The following PON1 variants were observed in gnomAD, a reference collection of about 807,000 sequenced individuals.
PON1 encodes paraoxonase 1, also known as serum paraoxonase/arylesterase 1.
A neutral mutation model predicts 39.2 loss-of-function variants in PON1; 37 were observed. The observed-to-expected ratio is 0.94, with a 90% CI of 0.73 to 1.24. PON1 has a LOEUF of 1.24. Ranked by LOEUF, PON1 falls within the 50% of genes most tolerant of loss-of-function variation. The probability of loss-of-function intolerance (pLI) is 0.00; values close to 1 mark genes in which losing one functional copy is unlikely to be tolerated. For synonymous variants in PON1, 148 were observed against 152.2 expected (o/e 0.97, Z 0.21); for missense variants, 397 against 413.5 (o/e 0.96, Z 0.35).
intron 1 of PON1, among the ~76,000 whole-genome samples, chr7:95,323,904 G>A (rs1035091132): frequency 2.0e-5 from 3 of 152,142 alleles, no homozygotes; most frequent in Admixed American, 6.5e-5. Flanking sequence ...CACAGCACAC[G>A]TTAGCTCCAC....
chr7:95,303,102 G>C (rs2116300886), intron 7 of PON1, among the ~76,000 whole-genome samples: 1 of 152,222 alleles, frequency 6.6e-6, no homozygotes, highest in Non-Finnish European at 1.5e-5. Flanking sequence ...ATGTACCTCA[G>C]AGGCCAGCAT....
Position 95,308,069 on chromosome 7 carries a change from G to A in PON1, c.640C>T (p.Arg214Ter), listed in dbSNP as rs1200174154. ...YVVYYSPSEV[R>*]VVAEGFDFAN... The stretch of plus-strand genomic sequence containing the variant: ...AAATCAAATCCTTCTGCCACCACTC[G>A]AACTTCACTTGGACTATAGTAGACA... Residue 214 changes from arginine (R) to a stop codon, truncating the protein, a stop_gained, in exon 6 of 9, where the codon CGA becomes TGA. Transcript: ENST00000222381. LOFTEE classifies it high-confidence loss of function. 9 of 1,613,880 alleles carry A rather than the reference G, an allele frequency of 5.6e-6. No homozygotes were observed. The highest frequency in any genetic ancestry group is 4.4e-5 in the South Asian group (4 of 91,072).
At position 95,314,317 on chromosome 7, in the gene PON1, G is replaced by A. The variant is rs3917508; in HGVS notation, c.370+1005C>T. On this transcript the variant is annotated intron_variant, in intron 4 of 8. Coordinates refer to ENST00000222381, the MANE Select transcript of PON1 (RefSeq NM_000446.7). ...GAAGTTTTCAGTGAGCCAAGATTGC[G>A]CCACTGCACTCCAGCCTGGGAGAGA... Among the ~76,000 whole-genome samples, 557 of 151,912 alleles carry A rather than the reference G, an allele frequency of 3.7e-3. 2 individuals carry two copies. Among genetic ancestry groups the A allele is most frequent in the African/African-American group, 8.1e-3 (336 of 41,428 alleles).
Position 95,298,749 on chromosome 7 carries a change from C to A in PON1, c.*195G>T. ...AATGAGGTTTTCAAGTATTCCAAGACTGATTTGATAGTGTATTCTCAAAAA... is the reference window on the plus strand; with the variant it reads ...AATGAGGTTTTCAAGTATTCCAAGAATGATTTGATAGTGTATTCTCAAAAA... On this transcript the variant is annotated 3_prime_UTR_variant, in exon 9 of 9. Coordinates refer to ENST00000222381, the MANE Select transcript of PON1 (RefSeq NM_000446.7). 1 of 659,108 alleles carries A rather than the reference C, an allele frequency of 1.5e-6. No individual in the cohort carries two copies. Among genetic ancestry groups the A allele is most frequent in the South Asian group, 1.8e-5 (1 of 55,908 alleles). The allele number at this position is 659,108 out of a possible 1,614,324, so 40.8% of individuals were successfully genotyped here. A position where few individuals can be genotyped will look rare whatever the true frequency, so the allele number is the denominator to read the frequency against.
chr7:95,298,791 T>TATC lies in PON1; in HGVS notation c.*150_*152dup, dbSNP rs1228755706. ...TCTCAAAAAAAAGCCCTACACATCA[T>TATC]ATCACTCCCAGTTAAACAGTGCTTT... On this transcript the variant is annotated 3_prime_UTR_variant, in exon 9 of 9. Coordinates refer to ENST00000222381, the MANE Select transcript of PON1 (RefSeq NM_000446.7). 3.3e-6 allele frequency: 3 copies of TATC among 915,506 alleles called. No individual in the cohort carries two copies. In the East Asian group the frequency reaches 7.7e-5, roughly 24 times the overall value. 56.7% of individuals were successfully genotyped at this position (915,506 alleles called of 1,614,324 possible).
Position 95,311,557 on chromosome 7 carries a change from C to T in PON1, c.391G>A (p.Val131Met), listed in dbSNP as rs934788389. Residue 131 changes from valine (V) to methionine (M), a missense_variant, in exon 5 of 9, where the codon GTG (valine) becomes ATG (methionine). By Grantham distance (21) the Val-to-Met change is conservative. Coordinates refer to ENST00000222381, the MANE Select transcript of PON1 (RefSeq NM_000446.7). ...TDEDNAMYLL[V>M]VNHPDAKSTV... ...GACTTGGCATCTGGATGGTTCACCA[C>T]CAGGAGGTACATGGCATTATCTGAG... The T allele has an allele frequency of 1.9e-6, 3 of 1,613,874 alleles. No homozygotes were observed. The highest frequency in any genetic ancestry group is 1.3e-5 in the African/African-American group (1 of 74,898).
chr7:95,323,435 A>C lies in PON1; in HGVS notation c.74+967T>G, dbSNP rs55651473. 9.9e-3 allele frequency among the ~76,000 whole-genome samples: 1,503 copies of C among 152,268 alleles called. 23 individuals are homozygous for C. Among genetic ancestry groups the C allele is most frequent in the African/African-American group, 0.034 (1,414 of 41,550 alleles). On this transcript the variant is annotated intron_variant, in intron 1 of 8. Coordinates refer to ENST00000222381, the MANE Select transcript of PON1 (RefSeq NM_000446.7). ...TGTAACTTAAAAAAATTAGAAAAAC[A>C]TCCACAATAAATAGTAAAAACCCAT...
intron 6 of PON1, among the ~76,000 whole-genome samples, chr7:95,307,576 A>G (rs1807568782): frequency 6.6e-6 from 1 of 152,200 alleles, no homozygotes; most frequent in African/African-American, 2.4e-5. Flanking sequence ...GCTTAGTTAA[A>G]CTGACTTGTT....
chr7:95,308,316 G>A (rs1257427926), intron 5 of PON1, 105 bp from the exon 6 acceptor site: 1 of 1,060,988 alleles, frequency 9.4e-7, no homozygotes, highest in Non-Finnish European at 1.4e-6. Context: ...CAAGATGTGG[G>A]ATGGAGCCTT....
At chr7:95,302,476 T>G (rs535968510) in intron 7 of PON1, 143 bp from the exon 8 acceptor site, 1 of 708,104 alleles carries the variant, frequency 1.4e-6, no homozygotes, top group Non-Finnish European at 2.4e-6. Flanking sequence ...CCCATTTCAA[T>G]AAGACTCACA....
rs1014165173 is a variant in PON1, at chr7:95,299,079, T to C, written c.933A>G (p.Leu311=). ...ASEVLRIQNI[L]TEEPKVTQVY... ...CCTGTGTCACTTTAGGTTCTTCTGT[T>C]AGAATGTTCTGGATTCGAAGCACCT... Residue 311 remains leucine (L), a synonymous_variant, in exon 9 of 9, where the codon CTA becomes CTG. Transcript: ENST00000222381. 2 of 1,614,194 alleles carry C rather than the reference T, an allele frequency of 1.2e-6. No individual in the cohort carries two copies. The highest frequency in any genetic ancestry group is 2.2e-5 in the South Asian group (2 of 91,082).
chr7:95,308,492 GT>G, intron 5 of PON1, among the ~76,000 whole-genome samples: 1 of 151,882 alleles, frequency 6.6e-6, no homozygotes, highest in South Asian at 2.1e-4. Flanking sequence ...GTGTGTGTGT[GT>G]GTGTGTGTGT....
chr7:95,311,319 T>A (rs1259736359), intron 5 of PON1, 132 bp downstream of exon 5: 1 of 1,084,736 alleles, frequency 9.2e-7, no homozygotes, highest in African/African-American at 1.6e-5. Context: ...CAGAAGAGCA[T>A]GTGGAGGAGT....
intron 1 of PON1, among the ~76,000 whole-genome samples, chr7:95,320,010 A>C (rs1258206252): frequency 6.6e-6 from 1 of 152,158 alleles, no homozygotes; most frequent in Non-Finnish European, 1.5e-5. Flanking sequence ...TGGTCTAGGG[A>C]AAGTGTAGTG....
chr7:95,307,076 A>T (rs1807559831), intron 6 of PON1, among the ~76,000 whole-genome samples: 1 of 136,532 alleles, frequency 7.3e-6, no homozygotes, highest in African/African-American at 3.4e-5. Flanking sequence ...TTTTTTTTAA[A>T]AAAAAACAGA....
At chr7:95,304,066 A>C (rs187448619) in intron 7 of PON1, among the ~76,000 whole-genome samples, 1 of 152,122 alleles carries the variant, frequency 6.6e-6, no homozygotes, top group Non-Finnish European at 1.5e-5. Flanking sequence ...TGCAACCATC[A>C]TCACCATCCC....
At position 95,315,444 on chromosome 7, in the gene PON1, C is replaced by T; in HGVS notation, c.248G>A (p.Gly83Glu). ...ATTCAGGTCCATCAGAAGTATTTTT[C>T]CAGGACTGTTGGGGTTGAAGCTCTT... ...GIKSFNPNSP[G>E]KILLMDLNEE... The change falls in exon 4 of 9, where the codon GGA becomes GAA. Residue 83 changes from glycine (G) to glutamate (E), a missense_variant. Gly to Glu is a moderately conservative substitution (Grantham distance 98). Transcript: ENST00000222381. 6.2e-7 allele frequency: 1 copy of T among 1,614,062 alleles called. No homozygotes were observed. The highest frequency in any genetic ancestry group is 8.5e-7 in the Non-Finnish European group (1 of 1,179,956).
intron 8 of PON1, among the ~76,000 whole-genome samples, chr7:95,300,851 A>G (rs1807406504): frequency 6.6e-6 from 1 of 152,176 alleles, no homozygotes; most frequent in African/African-American, 2.4e-5. Flanking sequence ...TAAACATACC[A>G]TTCAGCAACC....
intron 1 of PON1, among the ~76,000 whole-genome samples, chr7:95,322,342 GTGTGTGTGTA>G: frequency 7.5e-6 from 1 of 133,940 alleles, no homozygotes; most frequent in African/African-American, 3.1e-5. Flanking sequence ...GTGTGTGTGT[GTGTGTGTGTA>G]TATATATATA....
Sources: gnomAD v4.1 joint callset for allele counts (sites outside exome capture counted in the v4.1 genomes callset) on GRCh38, gnomAD v4.1.1 for gene constraint, MANE v1.5 for transcripts, NCBI Gene and HGNC (gene_info 2026-07-23, HGNC 2026-07-21) for gene names.